FYB1: variants seen among roughly 807,000 people sequenced by gnomAD.
The protein encoded by FYB1 is FYN-binding protein 1.
In FYB1, 41 loss-of-function variants were observed where a neutral mutation model predicts 94.1. The observed-to-expected ratio is 0.44, with a 90% confidence interval of 0.34 to 0.57. The LOEUF is 0.57. Ranked by LOEUF, FYB1 falls within the 20% of genes least tolerant of loss-of-function variation. FYB1 has a pLI of 0.02. For missense variants in FYB1, 1,050 were observed against 976.8 expected (o/e 1.07, Z -1.00); for synonymous variants, 367 against 353.2 (o/e 1.04, Z -0.44).
intron 1 of FYB1, among the ~76,000 whole-genome samples, chr5:39,250,134 G>A (rs900773510): frequency 6.6e-6 from 1 of 152,104 alleles, no homozygotes; most frequent in African/African-American, 2.4e-5. Context: ...CCAGCCATGT[G>A]GAACTGTGAG....
intron 18 of FYB1, among the ~76,000 whole-genome samples, chr5:39,107,800 G>A (rs1258166018): frequency 6.6e-6 from 1 of 151,934 alleles, no homozygotes; most frequent in Non-Finnish European, 1.5e-5. Flanking sequence ...AAAGACTAAA[G>A]GAAATCATGA....
At chr5:39,172,193 C>G (rs1187374306) in intron 2 of FYB1, among the ~76,000 whole-genome samples, 1 of 152,116 alleles carries the variant, frequency 6.6e-6, no homozygotes, top group African/African-American at 2.4e-5. Flanking sequence ...TGCCTGTAAT[C>G]CCAGCACTTT....
chr5:39,200,245 C>A (rs1364486031), intron 2 of FYB1, among the ~76,000 whole-genome samples: 2 of 152,162 alleles, frequency 1.3e-5, no homozygotes, highest in Non-Finnish European at 2.9e-5. Context: ...AAAATCAGAC[C>A]TTGTCAGGCC....
intron 1 of FYB1, among the ~76,000 whole-genome samples, chr5:39,205,009 G>T: frequency 6.6e-6 from 1 of 152,146 alleles, no homozygotes; most frequent in East Asian, 1.9e-4. Context: ...GAATTTGGGT[G>T]CTTGGGGGAG....
At chr5:39,153,764 A>G (rs906603060) in intron 2 of FYB1, among the ~76,000 whole-genome samples, 160 bp from the exon 3 acceptor site, 3 of 152,168 alleles carry the variant, frequency 2.0e-5, no homozygotes, top group Admixed American at 2.0e-4. Flanking sequence ...TATTATTATT[A>G]CTACGTTGTG....
chr5:39,192,939 T>A (rs1395026858), intron 2 of FYB1, among the ~76,000 whole-genome samples: 2 of 152,214 alleles, frequency 1.3e-5, no homozygotes, highest in Non-Finnish European at 2.9e-5. Context: ...CGTGGCTCAC[T>A]CTCCCATCCA....
intron 14 of FYB1, 111 bp downstream of exon 14, chr5:39,122,225 C>T (rs2150286790): frequency 1.4e-6 from 1 of 696,082 alleles, no homozygotes; most frequent in Non-Finnish European, 2.5e-6. Flanking sequence ...AGTCCAGAGC[C>T]AACAGGATCG....
At chr5:39,193,169 TGAGCATGGTCCAGA>T (rs2150466901) in intron 2 of FYB1, among the ~76,000 whole-genome samples, 1 of 152,268 alleles carries the variant, frequency 6.6e-6, no homozygotes, top group Non-Finnish European at 1.5e-5. Context: ...CCTTGACCAG[TGAGCATGGTCCAGA>T]GAGCATGGAA....
At chr5:39,272,500 TAAAA>T (rs33922266) in intron 1 of FYB1, among the ~76,000 whole-genome samples, 1 of 144,956 alleles carries the variant, frequency 6.9e-6, no homozygotes, top group African/African-American at 2.6e-5. Flanking sequence ...CCGTCTCTAC[TAAAA>T]AAAAAAAAAT....
intron 1 of FYB1, among the ~76,000 whole-genome samples, chr5:39,234,133 A>G (rs2150575958): frequency 6.6e-6 from 1 of 152,222 alleles, no homozygotes; most frequent in South Asian, 2.1e-4. Flanking sequence ...TTAGTTCCAT[A>G]TTCACTGCCC....
chr5:39,126,695 CAAAAAAAAAAAA>C (rs1272438775), intron 11 of FYB1, among the ~76,000 whole-genome samples: 1 of 29,026 alleles, frequency 3.4e-5, no homozygotes, highest in Non-Finnish European at 6.7e-5. Context: ...GACCTGGTCT[CAAAAAAAAAAAA>C]AAAAAAAAAA....
At chr5:39,233,137 C>T (rs545892750) in intron 1 of FYB1, among the ~76,000 whole-genome samples, 24 of 152,038 alleles carry the variant, frequency 1.6e-4, no homozygotes, top group African/African-American at 4.8e-4. Flanking sequence ...CCTGAGGAAT[C>T]GCCACACTGA....
chr5:39,132,400 T>G (rs1741280152), intron 9 of FYB1, among the ~76,000 whole-genome samples: 1 of 152,194 alleles, frequency 6.6e-6, no homozygotes, highest in Admixed American at 6.5e-5. Context: ...TAGAAATGTC[T>G]TCTTCTTTAA....
At chr5:39,117,532 T>C (rs1033055471) in intron 16 of FYB1, among the ~76,000 whole-genome samples, 5 of 152,136 alleles carry the variant, frequency 3.3e-5, no homozygotes, top group African/African-American at 1.2e-4. Flanking sequence ...AATCTTAATA[T>C]TACACTGCCA....
At chr5:39,247,071 C>CATGT in intron 1 of FYB1, among the ~76,000 whole-genome samples, 1 of 65,620 alleles carries the variant, frequency 1.5e-5, no homozygotes, top group East Asian at 4.7e-4. Flanking sequence ...AATGCGTGTT[C>CATGT]ATATATATAT....
intron 16 of FYB1, among the ~76,000 whole-genome samples, chr5:39,117,938 C>T (rs1739724651): frequency 6.6e-6 from 1 of 152,062 alleles, no homozygotes; most frequent in South Asian, 2.1e-4. Context: ...CACTCTGCCA[C>T]CCCAGCTGGA....
At chr5:39,187,216 T>G (rs1746909123) in intron 2 of FYB1, among the ~76,000 whole-genome samples, 2 of 152,368 alleles carry the variant, frequency 1.3e-5, no homozygotes, top group South Asian at 2.1e-4. Context: ...AAAATGTTTT[T>G]ATCAGTGCCA....
In FYB1 at chr5:39,202,117, T is replaced by G. The variant is rs764710405; in HGVS notation, c.844A>C (p.Lys282Gln). ...GCATCTATCTTCCTATCTTCCTTTT[T>G]TTCTTCACCATTTTTGGAGAGACCT... ...GPGLSKNGEEKKEDRKIDAAK... is the reference protein window; with the variant it reads ...GPGLSKNGEEQKEDRKIDAAK... Residue 282 changes from lysine (K) to glutamine (Q), a missense_variant, in exon 2 of 19, where the codon AAA (lysine) becomes CAA (glutamine). By Grantham distance (53) the Lys-to-Gln change is moderately conservative (BLOSUM62 1). Transcript: ENST00000512982. The G allele has an allele frequency of 4.3e-6, 7 of 1,614,022 alleles. No individual in the cohort carries two copies. The highest frequency in any genetic ancestry group is 5.9e-6 in the Non-Finnish European group (7 of 1,179,890).
At chr5:39,119,929 A>G (rs453157) in intron 14 of FYB1, among the ~76,000 whole-genome samples, 139,064 of 152,102 alleles carry the variant, frequency 0.91, 63,892 homozygotes, top group Non-Finnish European at 0.94. Context: ...GCATGTCAGC[A>G]GTTTCATATG....
Sources: gnomAD v4.1 joint callset for allele counts (sites outside exome capture counted in the v4.1 genomes callset) on GRCh38, gnomAD v4.1.1 for gene constraint, MANE v1.5 for transcripts, NCBI Gene and HGNC (gene_info 2026-07-23, HGNC 2026-07-21) for gene names.